Variants in RBFOX1 observed in about 807,000 individuals in gnomAD.
The protein encoded by RBFOX1 is RNA binding fox-1 homolog 1, also known as RNA binding protein fox-1 homolog 1.
RBFOX1 carries 8 observed loss-of-function variants against 57.7 expected under a neutral mutation model. The ratio of observed to expected loss-of-function variants is 0.14; its 90% CI spans 0.08 to 0.25. The LOEUF (loss-of-function observed/expected upper bound fraction) is 0.25, where lower values mean the gene tolerates loss of function less well. Ranked by LOEUF, RBFOX1 falls within the 10% of genes least tolerant of loss-of-function variation. The probability of loss-of-function intolerance (pLI) is 1.00; values close to 1 mark genes in which losing one functional copy is unlikely to be tolerated. For missense variants in RBFOX1, 611 were observed against 548.5 expected (o/e 1.11, Z -1.14); for synonymous variants, 326 against 222.4 (o/e 1.47, Z -4.15).
intron 4 of RBFOX1, among the ~76,000 whole-genome samples, chr16:5,991,645 GTT>G (rs60004233): frequency 0.019 from 2,406 of 123,978 alleles, 63 homozygotes; most frequent in African/African-American, 0.056. Flanking sequence ...TTATTAGATA[GTT>G]TTTTTTTTTT....
intron 1 of RBFOX1, among the ~76,000 whole-genome samples, chr16:5,385,383 C>T (rs1368966061): frequency 6.6e-6 from 1 of 152,152 alleles, no homozygotes; most frequent in East Asian, 1.9e-4. Flanking sequence ...AAAATATTTC[C>T]CTAATGTATT....
intron 4 of RBFOX1, among the ~76,000 whole-genome samples, chr16:5,892,296 A>T (rs1447991776): frequency 6.6e-6 from 1 of 152,220 alleles, no homozygotes; most frequent in African/African-American, 2.4e-5. Context: ...GTGATTGAGC[A>T]TGCTTAGCAG....
chr16:5,536,605 G>A (rs540329594), intron 2 of RBFOX1, among the ~76,000 whole-genome samples: 19 of 152,208 alleles, frequency 1.2e-4, no homozygotes, highest in Admixed American at 1.2e-3. Flanking sequence ...CAGGGACGAA[G>A]GGTTTGTTAT....
intron 4 of RBFOX1, among the ~76,000 whole-genome samples, chr16:7,256,838 T>C (rs1206579413): frequency 6.6e-6 from 1 of 152,158 alleles, no homozygotes; most frequent in Non-Finnish European, 1.5e-5. Context: ...CATCTTTGCC[T>C]TTGTGGATAC....
intron 2 of RBFOX1, among the ~76,000 whole-genome samples, chr16:6,482,171 G>A (rs1311314091): frequency 6.6e-6 from 1 of 152,170 alleles, no homozygotes; most frequent in Non-Finnish European, 1.5e-5. Context: ...ACACAGGCAG[G>A]AAGCCAATGA....
chr16:5,820,474 G>T (rs2055806855), intron 3 of RBFOX1, among the ~76,000 whole-genome samples: 1 of 152,258 alleles, frequency 6.6e-6, no homozygotes, highest in Admixed American at 6.5e-5. Flanking sequence ...AGCAGCACCA[G>T]AGCTGCAGCT....
intron 3 of RBFOX1, among the ~76,000 whole-genome samples, chr16:6,710,121 G>A (rs934600180): frequency 2.6e-5 from 4 of 152,114 alleles, no homozygotes; most frequent in African/African-American, 7.2e-5. Context: ...AATACCATGA[G>A]TTTTGGGACT....
chr16:7,254,424 G>C (rs1235111196), intron 4 of RBFOX1, among the ~76,000 whole-genome samples: 1 of 152,026 alleles, frequency 6.6e-6, no homozygotes, highest in African/African-American at 2.4e-5. Flanking sequence ...CCATTGCCAA[G>C]ATATCACTGG....
At chr16:6,407,009 A>T (rs117732921) in intron 2 of RBFOX1, among the ~76,000 whole-genome samples, 7,004 of 152,184 alleles carry the variant, frequency 0.046, 299 homozygotes, top group Non-Finnish European at 0.064. Context: ...TCCCAATGAG[A>T]TAAACTCTTT....
intron 4 of RBFOX1, among the ~76,000 whole-genome samples, chr16:7,198,296 C>T (rs1007238961): frequency 2.0e-5 from 3 of 152,130 alleles, no homozygotes; most frequent in Non-Finnish European, 4.4e-5. Flanking sequence ...TAAGCCACCG[C>T]ACATGGCCAA....
intron 4 of RBFOX1, among the ~76,000 whole-genome samples, chr16:7,433,716 G>C (rs1385656839): frequency 6.6e-6 from 1 of 152,100 alleles, no homozygotes; most frequent in Non-Finnish European, 1.5e-5. Flanking sequence ...CCATCCATCT[G>C]TTCATCCACC....
At chr16:5,795,928 C>G (rs924320462) in intron 3 of RBFOX1, among the ~76,000 whole-genome samples, 2 of 152,178 alleles carry the variant, frequency 1.3e-5, no homozygotes, top group African/African-American at 4.8e-5. Flanking sequence ...GATAGGTCGA[C>G]AACACTCACC....
intron 4 of RBFOX1, among the ~76,000 whole-genome samples, chr16:7,194,138 TA>T (rs1484765494): frequency 6.6e-6 from 1 of 152,314 alleles, no homozygotes; most frequent in African/African-American, 2.4e-5. Context: ...AGAAAGTCTT[TA>T]TTTGGTACTA....
chr16:5,552,025 A>G (rs573876941), intron 2 of RBFOX1, among the ~76,000 whole-genome samples: 1 of 152,152 alleles, frequency 6.6e-6, no homozygotes, highest in African/African-American at 2.4e-5. Flanking sequence ...GAGTCATTCA[A>G]CTTTTCTAAG....
chr16:6,558,634 A>G (rs569550896), intron 2 of RBFOX1, among the ~76,000 whole-genome samples: 1 of 152,244 alleles, frequency 6.6e-6, no homozygotes, highest in Admixed American at 6.5e-5. Context: ...ATGTCTAGAA[A>G]AATTGTCCCT....
chr16:6,536,531 C>G (rs962645957), intron 2 of RBFOX1, among the ~76,000 whole-genome samples: 5 of 150,158 alleles, frequency 3.3e-5, no homozygotes, highest in Non-Finnish European at 7.4e-5. Flanking sequence ...AGCTCTGTCA[C>G]AAAAGGACGA....
At chr16:7,583,792 G>A (rs1257008734) in intron 6 of RBFOX1, among the ~76,000 whole-genome samples, 1 of 151,934 alleles carries the variant, frequency 6.6e-6, no homozygotes, top group Non-Finnish European at 1.5e-5. Flanking sequence ...ACCAGCCTGC[G>A]CAACATAGGG....
chr16:7,164,583 C>G (rs1031173141), intron 4 of RBFOX1, among the ~76,000 whole-genome samples: 2 of 152,182 alleles, frequency 1.3e-5, no homozygotes, highest in Non-Finnish European at 1.5e-5. Flanking sequence ...CCTCTAAATC[C>G]TCTTGTCTAG....
At chr16:6,140,450 C>A (rs2096706982) in intron 1 of RBFOX1, among the ~76,000 whole-genome samples, 3 of 152,264 alleles carry the variant, frequency 2.0e-5, no homozygotes, top group Middle Eastern at 3.4e-3. Context: ...CCCATCTTGG[C>A]CTCCCAAACT....
Sources: gnomAD v4.1 joint callset for allele counts (sites outside exome capture counted in the v4.1 genomes callset) on GRCh38, gnomAD v4.1.1 for gene constraint, MANE v1.5 for transcripts, NCBI Gene and HGNC (gene_info 2026-07-23, HGNC 2026-07-21) for gene names.